SFI1: variants seen among roughly 807,000 people sequenced by gnomAD.
SFI1 encodes the protein SFI1 centrin binding protein.
A neutral mutation model predicts 207.5 loss-of-function variants in SFI1; 195 were observed. The ratio of observed to expected loss-of-function variants is 0.94; its 90% confidence interval spans 0.84 to 1.06. The LOEUF (loss-of-function observed/expected upper bound fraction) is 1.06. Among genes scored for constraint, SFI1 ranks in the 50% least tolerant of loss-of-function variants. The pLI, the probability that SFI1 is intolerant of heterozygous loss-of-function variation, is 0.00. For synonymous variants in SFI1, 630 were observed against 598.9 expected, an observed-to-expected ratio of 1.05 and a Z score of -0.76; for missense variants, 1,634 against 1,588.0, an observed-to-expected ratio of 1.03 and a Z score of -0.49.
In SFI1 at chr22:31,618,488, C is replaced by G. The variant is rs1027342348; in HGVS notation, c.*70C>G. 1.5e-5 allele frequency: 21 copies of G among 1,365,750 alleles called. No individual in the cohort carries two copies. The Middle Eastern group carries it at 7.9e-4, about 51-fold the overall frequency. 84.6% of individuals were successfully genotyped at this position (1,365,750 alleles called of 1,614,324 possible). On this transcript the variant is annotated 3_prime_UTR_variant, in exon 33 of 33. Transcript: ENST00000400288. ...TCAGGCCACCTCCAGGAACAGAACACAGTTTTAAGTTTGATTTTTTTTATT... is the reference window on the plus strand; with the variant it reads ...TCAGGCCACCTCCAGGAACAGAACAGAGTTTTAAGTTTGATTTTTTTTATT...
intron 12 of SFI1, among the ~76,000 whole-genome samples, chr22:31,582,052 G>C (rs996752275): frequency 4.0e-5 from 6 of 150,532 alleles, no homozygotes; most frequent in Admixed American, 4.0e-4. Flanking sequence ...CTTATTTGTA[G>C]CTGCTTTTTA....
At chr22:31,604,660 T>A (rs868849753) in intron 19 of SFI1, 5 of 590,290 alleles carry the variant, frequency 8.5e-6, no homozygotes, top group African/African-American at 1.9e-5. Flanking sequence ...GTCCCATGGT[T>A]TGACTTAGGA....
At chr22:31,567,568 A>G (rs1246186601) in intron 8 of SFI1, among the ~76,000 whole-genome samples, 12 of 143,040 alleles carry the variant, frequency 8.4e-5, no homozygotes, top group Non-Finnish European at 1.1e-4. Flanking sequence ...GTGTTTGTGG[A>G]GGGGGGGGGT....
At chr22:31,615,596 T>G (rs1238814195) in intron 29 of SFI1, 1 of 288,750 alleles carries the variant, frequency 3.5e-6, no homozygotes, top group Non-Finnish European at 6.4e-6. Context: ...AGCCTGGGAT[T>G]TGAGAAGAGT....
chr22:31,560,276 CTG>C (rs763584389), intron 7 of SFI1, among the ~76,000 whole-genome samples: 1 of 151,430 alleles, frequency 6.6e-6, no homozygotes, highest in Non-Finnish European at 1.5e-5. Flanking sequence ...AAAAACAAGA[CTG>C]AAACAAAAGT....
At chr22:31,555,709 T>C (rs2061095133) in intron 6 of SFI1, among the ~76,000 whole-genome samples, 1 of 152,166 alleles carries the variant, frequency 6.6e-6, no homozygotes, top group Non-Finnish European at 1.5e-5. Context: ...ATTAGGTGTG[T>C]AATAAATGAA....
At chr22:31,605,034 C>A in intron 20 of SFI1, 89 bp downstream of exon 20, 1 of 1,198,062 alleles carries the variant, frequency 8.3e-7, no homozygotes, top group African/African-American at 1.5e-5. Flanking sequence ...TGCTGAGGGC[C>A]AGGTCGGGGA....
chr22:31,611,062 C>T (rs2070024175), intron 22 of SFI1, 81 bp from the exon 23 acceptor site: 1 of 1,582,540 alleles, frequency 6.3e-7, no homozygotes, highest in South Asian at 1.1e-5. Context: ...ACAGCCATCT[C>T]TGCTGTCTGC....
At chr22:31,588,125 C>T (rs977530527) in intron 14 of SFI1, among the ~76,000 whole-genome samples, 1 of 152,184 alleles carries the variant, frequency 6.6e-6, no homozygotes, top group Non-Finnish European at 1.5e-5. Context: ...GCTCCAAGAT[C>T]AGCCTCAACT....
chr22:31,568,167 G>A lies in SFI1; in HGVS notation c.766-4891G>A, dbSNP rs12159219. 9.1e-3 allele frequency among the ~76,000 whole-genome samples: 814 copies of A among 89,644 alleles called. 8 individuals carry two copies. The highest frequency in any genetic ancestry group is 0.045 in the African/African-American group (689 of 15,380). 58.8% of individuals were successfully genotyped at this position (89,644 alleles called of 152,430 possible). A position where few individuals can be genotyped will look rare whatever the true frequency, so the allele number is the denominator to read the frequency against. ...ACTCTCTCTCTCTCTATATATATAT[G>A]TGTGTGTGTGTGTGTGTGTGTGTGT... is the stretch of plus-strand genomic sequence containing the variant. On this transcript the variant is annotated intron_variant, in intron 8 of 32. Coordinates refer to ENST00000400288, the MANE Select transcript of SFI1 (RefSeq NM_001007467.3).
Position 31,616,873 on chromosome 22 carries a change from T to C in SFI1, c.3429T>C (p.Thr1143=), listed in dbSNP as rs201738197. 138 of 1,610,318 alleles carry C rather than the reference T, an allele frequency of 8.6e-5. No individual in the cohort carries two copies. Among genetic ancestry groups the C allele is most frequent in the Non-Finnish European group, 1.0e-4 (123 of 1,178,034 alleles). ...SATRAGPGLS[T]AGSLDLEAEL... ...CCAGGGCTGGGCCTGGACTTTCAAC[T>C]GCAGGTGTGTACCTGGGGCCTGTCA... The change falls in exon 30 of 33, where the codon ACT becomes ACC. Residue 1143 remains threonine (T), a synonymous_variant. Coordinates refer to ENST00000400288, the MANE Select transcript of SFI1 (RefSeq NM_001007467.3).
chr22:31,524,445 C>T (rs2057659155), intron 2 of SFI1, among the ~76,000 whole-genome samples: 2 of 150,410 alleles, frequency 1.3e-5, no homozygotes, highest in Non-Finnish European at 3.0e-5. Flanking sequence ...TTTTTTGAGA[C>T]AGGGTCTCAC....
intron 19 of SFI1, chr22:31,604,625 A>G (rs2068662265): frequency 1.7e-6 from 1 of 587,450 alleles, no homozygotes; most frequent in Admixed American, 3.4e-5. Flanking sequence ...CTAGCCTTGT[A>G]GCGAAAGCAG....
chr22:31,513,964 T>A (rs1216957722), intron 2 of SFI1, among the ~76,000 whole-genome samples: 1 of 151,588 alleles, frequency 6.6e-6, no homozygotes, highest in African/African-American at 2.4e-5. Flanking sequence ...CAAGACCCTG[T>A]CTCTGCTAAA....
chr22:31,616,447 T>C (rs2071463410), intron 29 of SFI1: 4 of 336,206 alleles, frequency 1.2e-5, no homozygotes, highest in African/African-American at 2.1e-5. Context: ...GGGTGGAGGG[T>C]TGGGTAAGGC....
At position 31,604,383 on chromosome 22, in the gene SFI1, C is replaced by T. The variant is rs1372497121; in HGVS notation, c.1956C>T (p.His652=). ...ADLHHQHSVL[H]RALQAWVTYQ... ...TGCACCACCAGCACAGCGTGCTGCA[C>T]AGGGCGCTGCAGGCATGGGTGGTAG... The change falls in exon 19 of 33, where the codon CAC becomes CAT. Residue 652 remains histidine (H), a synonymous_variant. Transcript: ENST00000400288. The T allele has an allele frequency of 1.3e-6, 2 of 1,551,716 alleles. No individual in the cohort carries two copies. Among genetic ancestry groups the T allele is most frequent in the South Asian group, 1.2e-5 (1 of 83,932 alleles).
intron 8 of SFI1, among the ~76,000 whole-genome samples, chr22:31,568,573 C>T (rs1267888376): frequency 7.2e-6 from 1 of 138,962 alleles, no homozygotes; most frequent in East Asian, 2.2e-4. Flanking sequence ...GAAGCAGTGA[C>T]AGTAATATAG....
intron 9 of SFI1, among the ~76,000 whole-genome samples, chr22:31,574,788 G>A (rs1335577227): frequency 4.6e-5 from 7 of 152,102 alleles, no homozygotes; most frequent in Non-Finnish European, 8.8e-5. Context: ...CGGGCGCGGT[G>A]GCTCACGTCT....
At chr22:31,588,625 C>G (rs1418665783) in intron 14 of SFI1, among the ~76,000 whole-genome samples, 1 of 152,132 alleles carries the variant, frequency 6.6e-6, no homozygotes, top group African/African-American at 2.4e-5. Context: ...CCATTCTGGT[C>G]AACATGGTGA....
Sources: gnomAD v4.1 joint callset for allele counts (sites outside exome capture counted in the v4.1 genomes callset) on GRCh38, gnomAD v4.1.1 for gene constraint, MANE v1.5 for transcripts, NCBI Gene and HGNC (gene_info 2026-07-23, HGNC 2026-07-21) for gene names.